BAZ2B: variants seen among roughly 807,000 people sequenced by gnomAD.
The protein encoded by BAZ2B is bromodomain adjacent to zinc finger domain 2B.
Under a neutral mutation model 246.0 loss-of-function variants are expected in BAZ2B, and 91 were observed. That is an observed-to-expected ratio of 0.37 (90% confidence interval 0.31 to 0.44). The LOEUF is 0.44. Among genes scored for constraint, BAZ2B ranks in the 20% least tolerant of loss-of-function variants. BAZ2B has a pLI of 1.00. For missense variants in BAZ2B, 2,332 were observed against 2,533.7 expected, an observed-to-expected ratio of 0.92 and a Z score of 1.71; for synonymous variants, 855 against 860.0, an observed-to-expected ratio of 0.99 and a Z score of 0.10.
chr2:159,698,408 C>G, the BAZ2B span, among the ~76,000 whole-genome samples: 5 of 151,036 alleles, frequency 3.3e-5, no homozygotes, highest in Non-Finnish European at 5.9e-5. Context: ...ATGGTCCCAG[C>G]TACTCAGATG....
At position 159,347,614 on chromosome 2, in the gene BAZ2B, T is replaced by A. The variant is rs777266899; in HGVS notation, c.5326A>T (p.Asn1776Tyr). 1 of 1,611,588 alleles carries A rather than the reference T, an allele frequency of 6.2e-7. No individual in the cohort carries two copies. Among genetic ancestry groups the A allele is most frequent in the Non-Finnish European group, 8.5e-7 (1 of 1,178,410 alleles). ...TCCACAATATCTCGAGTTACTTGGT[T>A]TTCTTCATTTTCATTCAGTTCAATA... ...AIIELNENEE[N>Y]QVTRDIVENW... Residue 1776 changes from asparagine to tyrosine, a missense_variant, in exon 31 of 37, where the codon AAC becomes TAC. Around this residue, in one of 9 missense-constraint regions of BAZ2B, gnomAD observed 676 missense variants for 668.6 expected, o/e 1.01. Coordinates refer to ENST00000392783, the MANE Select transcript of BAZ2B (RefSeq NM_013450.4).
At chr2:159,594,342 G>A (rs538596486) in intron 1 of BAZ2B, among the ~76,000 whole-genome samples, 1 of 152,318 alleles carries the variant, frequency 6.6e-6, no homozygotes, top group South Asian at 2.1e-4. Context: ...GGGAGGCGGA[G>A]CTTGCAGTGA....
At chr2:159,396,443 TA>T (rs1232269619) in intron 19 of BAZ2B, 1 of 152,178 alleles carries the variant, frequency 6.6e-6, no homozygotes, top group Non-Finnish European at 1.5e-5. Context: ...TATTCCTATT[TA>T]CTGATGTCTG....
In BAZ2B at chr2:159,389,354, T is replaced by A; in HGVS notation, c.3207A>T (p.Ala1069=). 1 of 1,587,920 alleles carries A rather than the reference T, an allele frequency of 6.3e-7. No individual in the cohort carries two copies. The highest frequency in any genetic ancestry group is 8.5e-7 in the Non-Finnish European group (1 of 1,170,628). The change falls in exon 21 of 37, where the codon GCA becomes GCT. Residue 1069 remains alanine, a synonymous_variant. Transcript: ENST00000392783. ...LKKPNEDMCL[A]DQKPLPELPR... ...ATGACGTATAAATTACCTTTTGGTCTGCTAAGCACATGTCTTCATTAGGCT... is the reference window on the plus strand; with the variant it reads ...ATGACGTATAAATTACCTTTTGGTCAGCTAAGCACATGTCTTCATTAGGCT...
the BAZ2B span, among the ~76,000 whole-genome samples, chr2:159,676,955 TATATATA>T: frequency 6.6e-4 from 17 of 25,844 alleles, 2 homozygotes; most frequent in East Asian, 5.0e-3. Context: ...AGTTTTGTTA[TATATATA>T]TATATATATA....
chr2:159,612,660 G>C (rs1694948143), intron 1 of BAZ2B, among the ~76,000 whole-genome samples: 1 of 152,128 alleles, frequency 6.6e-6, no homozygotes, highest in Admixed American at 6.5e-5. Flanking sequence ...TAACACAAAA[G>C]TAGCAACAAA....
chr2:159,455,367 C>G (rs2075602605), intron 3 of BAZ2B, among the ~76,000 whole-genome samples: 1 of 152,028 alleles, frequency 6.6e-6, no homozygotes, highest in Non-Finnish European at 1.5e-5. Flanking sequence ...TTTACTGAAA[C>G]AAGAAGATCT....
intron 2 of BAZ2B, among the ~76,000 whole-genome samples, chr2:159,495,817 T>A (rs931610496): frequency 6.6e-6 from 1 of 150,790 alleles, no homozygotes; most frequent in Non-Finnish European, 1.5e-5. Context: ...TTGCCCAGGC[T>A]GCAGTGCAGT....
the BAZ2B span, among the ~76,000 whole-genome samples, chr2:159,627,471 C>T: frequency 6.6e-6 from 1 of 151,986 alleles, no homozygotes; most frequent in African/African-American, 2.4e-5. Context: ...TTATCCACCA[C>T]GATCAAGTCA....
At chr2:159,444,054 T>C (rs921421849) in intron 6 of BAZ2B, 5 of 152,106 alleles carry the variant, frequency 3.3e-5, no homozygotes, top group African/African-American at 1.2e-4. Context: ...TGATATGATG[T>C]CTGGGATTTG....
chr2:159,411,856 A>C (rs2066890299), intron 14 of BAZ2B: 1 of 645,886 alleles, frequency 1.5e-6, no homozygotes, highest in Admixed American at 6.3e-5. Flanking sequence ...AAATATATAT[A>C]CTATATCTGG....
intron 31 of BAZ2B, among the ~76,000 whole-genome samples, chr2:159,340,639 GA>G (rs886456028): frequency 1.1e-4 from 16 of 144,164 alleles, no homozygotes; most frequent in East Asian, 2.0e-4. Context: ...AGTAGTGAGA[GA>G]AAAAAAAAAC....
intron 2 of BAZ2B, among the ~76,000 whole-genome samples, chr2:159,491,235 G>C (rs1342062821): frequency 6.6e-6 from 1 of 152,092 alleles, no homozygotes; most frequent in Non-Finnish European, 1.5e-5. Flanking sequence ...TTAGAAATAT[G>C]CAACAACCAA....
chr2:159,320,240 A>T lies in BAZ2B; in HGVS notation c.*25T>A, dbSNP rs781189615. ...TCTCATTTGTCCTTGTTTAGAAGGA[A>T]AAAAATAAAGAGATTATTATAACTT... On this transcript the variant is annotated 3_prime_UTR_variant, in exon 37 of 37. Transcript: ENST00000392783. 2 of 1,504,682 alleles carry T rather than the reference A, an allele frequency of 1.3e-6. No individual in the cohort carries two copies. Among genetic ancestry groups the T allele is most frequent in the East Asian group, 5.1e-5 (2 of 39,568 alleles). 93.2% of individuals were successfully genotyped at this position (1,504,682 alleles called of 1,614,324 possible). A position where few individuals can be genotyped will look rare whatever the true frequency, so the allele number is the denominator to read the frequency against.
chr2:159,383,985 G>A (rs2062315545), intron 23 of BAZ2B, among the ~76,000 whole-genome samples: 1 of 151,932 alleles, frequency 6.6e-6, no homozygotes, highest in South Asian at 2.1e-4. Flanking sequence ...TCCAAGTTTT[G>A]TTGCAGGTAT....
the BAZ2B span, among the ~76,000 whole-genome samples, chr2:159,657,670 G>A: frequency 6.6e-6 from 1 of 152,108 alleles, no homozygotes; most frequent in African/African-American, 2.4e-5. Flanking sequence ...TATAGTTCTG[G>A]TACATACTTT....
Position 159,349,720 on chromosome 2 carries a change from T to C in BAZ2B, c.4851A>G (p.Leu1617=), listed in dbSNP as rs985154067. ...TAGCAGTACTAACCTGAAGAGGTGATAAAGCAAATGGATTTAAGCCAACAG... is the reference window on the plus strand; with the variant it reads ...TAGCAGTACTAACCTGAAGAGGTGACAAAGCAAATGGATTTAAGCCAACAG... ...QNPVGLNPFA[L]SPLQVKGGVS... is the part of the protein sequence containing the mutation. Residue 1617 remains leucine, a synonymous_variant, in exon 28 of 37, where the codon TTA becomes TTG. Transcript: ENST00000392783. 15 of 1,613,042 alleles carry C rather than the reference T, an allele frequency of 9.3e-6. No homozygotes were observed. Among genetic ancestry groups the C allele is most frequent in the Non-Finnish European group, 1.3e-5 (15 of 1,179,496 alleles).
At position 159,439,027 on chromosome 2, in the gene BAZ2B, T is replaced by C. The variant is rs755167253; in HGVS notation, c.882A>G (p.Gln294=). ...DDDSDSESEA[Q]HKSNNQVLLH... ...ATTATACCTGGTTGTTACTTTTATGTTGTGCTTCACTCTCTGAATCAGAAT... is the reference window on the plus strand; with the variant it reads ...ATTATACCTGGTTGTTACTTTTATGCTGTGCTTCACTCTCTGAATCAGAAT... The change falls in exon 7 of 37, where the codon CAA becomes CAG. Residue 294 remains glutamine, a synonymous_variant. Transcript: ENST00000392783. 11 of 1,613,622 alleles carry C rather than the reference T, an allele frequency of 6.8e-6. No individual in the cohort carries two copies. The highest frequency in any genetic ancestry group is 6.7e-5 in the East Asian group (3 of 44,828).
intron 1 of BAZ2B, among the ~76,000 whole-genome samples, chr2:159,595,276 A>C (rs949858957): frequency 2.0e-5 from 3 of 151,756 alleles, no homozygotes; most frequent in African/African-American, 7.3e-5. Context: ...CTAATTTTGT[A>C]TTTTTAGTAG....
Sources: allele counts gnomAD v4.1 joint callset (sites outside exome capture counted in the v4.1 genomes callset), GRCh38; gene constraint gnomAD v4.1.1; regional missense constraint gnomAD v4.1.1; transcripts MANE v1.5; gene names NCBI Gene and HGNC (gene_info 2026-07-23, HGNC 2026-07-21).